ASCC3: variants seen among roughly 807,000 people sequenced by gnomAD.
ASCC3 encodes the protein activating signal cointegrator 1 complex subunit 3, also known as ASC-1 complex subunit P200.
A neutral mutation model predicts 256.3 loss-of-function variants in ASCC3; 158 were observed. That is an observed-to-expected ratio of 0.62 (90% CI 0.54 to 0.70). The LOEUF (loss-of-function observed/expected upper bound fraction) is 0.70, where lower values mean the gene tolerates loss of function less well. Among genes scored for constraint, ASCC3 ranks in the 30% least tolerant of loss-of-function variants. The pLI is 0.00. For synonymous variants in ASCC3, 948 were observed against 883.4 expected, an observed-to-expected ratio of 1.07 and a Z score of -1.30; for missense variants, 2,259 against 2,626.0, an observed-to-expected ratio of 0.86 and a Z score of 3.05.
intron 37 of ASCC3, 84 bp from the exon 38 acceptor site, chr6:100,518,226 A>G: frequency 2.1e-6 from 3 of 1,433,476 alleles, no homozygotes; most frequent in South Asian, 1.2e-5. Context: ...AGCTTTAACA[A>G]AAAACAAAGA....
At chr6:100,619,613 G>C (rs240152) in intron 30 of ASCC3, among the ~76,000 whole-genome samples, 80,449 of 151,926 alleles carry the variant, frequency 0.53, 21,535 homozygotes, top group East Asian at 0.68. Flanking sequence ...TACAGATGAT[G>C]TATGGTAGAG....
intron 4 of ASCC3, among the ~76,000 whole-genome samples, chr6:100,833,321 C>T (rs846782): frequency 3.3e-5 from 5 of 152,082 alleles, no homozygotes; most frequent in African/African-American, 1.2e-4. Flanking sequence ...TGAAATGGTA[C>T]AGCACAAAGG....
intron 37 of ASCC3, 123 bp downstream of exon 37, chr6:100,540,040 T>C: frequency 1.2e-6 from 1 of 862,576 alleles, no homozygotes. Flanking sequence ...GATCAACCAG[T>C]TGTTTCTCAA....
intron 4 of ASCC3, among the ~76,000 whole-genome samples, chr6:100,821,936 A>G (rs1442645153): frequency 6.6e-6 from 1 of 152,210 alleles, no homozygotes; most frequent in Non-Finnish European, 1.5e-5. Context: ...AGATGATTCC[A>G]TTTGTACAAA....
At chr6:100,554,757 T>A (rs957550225) in intron 36 of ASCC3, among the ~76,000 whole-genome samples, 1 of 152,156 alleles carries the variant, frequency 6.6e-6, no homozygotes, top group Admixed American at 6.6e-5. Context: ...CTGTATTTTA[T>A]AATAATATTT....
At chr6:100,581,182 C>A (rs987467117) in intron 36 of ASCC3, among the ~76,000 whole-genome samples, 1 of 152,114 alleles carries the variant, frequency 6.6e-6, no homozygotes, top group Admixed American at 6.5e-5. Flanking sequence ...GGTTGAACTA[C>A]TTTACAGTCC....
At chr6:100,663,626 G>T (rs751459855) in intron 14 of ASCC3, among the ~76,000 whole-genome samples, 17 of 152,068 alleles carry the variant, frequency 1.1e-4, no homozygotes, top group Non-Finnish European at 1.8e-4. Flanking sequence ...TATGTGAAAA[G>T]GTGAAAGTTT....
intron 25 of ASCC3, 111 bp from the exon 26 acceptor site, chr6:100,631,324 G>C (rs991567343): frequency 1.3e-6 from 1 of 793,544 alleles, no homozygotes; most frequent in Non-Finnish European, 2.1e-6. Flanking sequence ...GTTTGAAAAT[G>C]TATCTTTTAA....
intron 2 of ASCC3, among the ~76,000 whole-genome samples, chr6:100,865,580 A>T (rs1261241174): frequency 1.3e-5 from 2 of 152,202 alleles, no homozygotes; most frequent in Admixed American, 6.5e-5. Context: ...GAGAAAAAAA[A>T]ATCTATCACA....
chr6:100,611,768 C>G (rs1001352312), intron 30 of ASCC3, among the ~76,000 whole-genome samples: 5 of 151,638 alleles, frequency 3.3e-5, no homozygotes, highest in Admixed American at 1.3e-4. Flanking sequence ...ATAGCTAGTA[C>G]TTTTCTAGAT....
intron 32 of ASCC3, among the ~76,000 whole-genome samples, chr6:100,605,947 C>A (rs2114804911): frequency 6.6e-6 from 1 of 151,906 alleles, no homozygotes; most frequent in African/African-American, 2.4e-5. Context: ...TCTTTCTTAA[C>A]ATTTATAGAT....
rs567436575 is a variant in ASCC3 at position 100,523,295 on chromosome 6, AT to A, written c.5776-5154del. ...TGGCTTCTATCTTCTGTAAGCTTTA[AT>A]TTTTCAACAATAAAATGCCAACATA... On this transcript the variant is annotated intron_variant, in intron 37 of 41. Transcript: ENST00000369162. Among the ~76,000 whole-genome samples the A allele has an allele frequency of 2.6e-5, 4 of 151,962 alleles. No homozygotes were observed. In the East Asian group the frequency reaches 7.8e-4, roughly 30 times the overall value.
intron 10 of ASCC3, among the ~76,000 whole-genome samples, chr6:100,728,758 T>G (rs768180595): frequency 4.6e-5 from 7 of 152,116 alleles, no homozygotes; most frequent in Non-Finnish European, 1.5e-5. Flanking sequence ...CCTTCTCCTT[T>G]CCCACTCTCT....
At chr6:100,830,425 T>C (rs528735314) in intron 4 of ASCC3, among the ~76,000 whole-genome samples, 2 of 152,292 alleles carry the variant, frequency 1.3e-5, no homozygotes, top group Admixed American at 1.3e-4. Flanking sequence ...GTATGAGATA[T>C]ATTACATTTC....
intron 30 of ASCC3, among the ~76,000 whole-genome samples, chr6:100,624,110 G>A (rs1323305897): frequency 2.7e-5 from 4 of 150,118 alleles, no homozygotes; most frequent in Admixed American, 6.7e-5. Flanking sequence ...AAAACTTAAA[G>A]TATAATAATA....
At chr6:100,785,648 G>A (rs1462925254) in intron 8 of ASCC3, among the ~76,000 whole-genome samples, 1 of 152,150 alleles carries the variant, frequency 6.6e-6, no homozygotes, top group Non-Finnish European at 1.5e-5. Context: ...CTAGGCCCAA[G>A]TGATCCTCCT....
intron 30 of ASCC3, among the ~76,000 whole-genome samples, chr6:100,608,121 TATATACATATA>T (rs1433287219): frequency 9.1e-6 from 1 of 110,448 alleles, no homozygotes; most frequent in African/African-American, 4.0e-5. Context: ...TATATATCTA[TATATACATATA>T]TATGTATATA....
intron 37 of ASCC3, among the ~76,000 whole-genome samples, chr6:100,526,179 G>A (rs1446603780): frequency 6.6e-6 from 1 of 152,046 alleles, no homozygotes; most frequent in Non-Finnish European, 1.5e-5. Flanking sequence ...AGTCATTTCC[G>A]AGCTGTAACT....
chr6:100,648,547 T>A (rs1470572668), intron 20 of ASCC3, among the ~76,000 whole-genome samples: 1 of 152,066 alleles, frequency 6.6e-6, no homozygotes, highest in Non-Finnish European at 1.5e-5. Context: ...TAAATTTGAC[T>A]ATTTTGTTTC....
Sources: allele counts gnomAD v4.1 joint callset (sites outside exome capture counted in the v4.1 genomes callset), GRCh38; gene constraint gnomAD v4.1.1; transcripts MANE v1.5; gene names NCBI Gene and HGNC (gene_info 2026-07-23, HGNC 2026-07-21).